Variants in YEATS2 observed in about 807,000 individuals in gnomAD.
YEATS2 encodes the protein YEATS domain containing 2, also known as YEATS domain-containing protein 2.
YEATS2 carries 77 observed loss-of-function variants against 163.2 expected under a neutral mutation model. The ratio of observed to expected loss-of-function variants is 0.47; its 90% CI spans 0.39 to 0.57. The LOEUF is 0.57. Ranked by LOEUF, YEATS2 falls within the 20% of genes least tolerant of loss-of-function variation. The pLI is 0.00. For missense variants in YEATS2, 1,549 were observed against 1,729.8 expected (o/e 0.90, Z 1.85); for synonymous variants, 631 against 645.1 (o/e 0.98, Z 0.33).
In YEATS2 at chr3:183,797,986, A is replaced by G; in HGVS notation, c.3161A>G (p.Gln1054Arg). 1 of 1,614,194 alleles carries G rather than the reference A, an allele frequency of 6.2e-7. No individual in the cohort carries two copies. Among genetic ancestry groups the G allele is most frequent in the Non-Finnish European group, 8.5e-7 (1 of 1,180,016 alleles). The part of the protein sequence containing the change: ...PQQAVLTIPS[Q>R]LKPLSVNTSG... ...CAGGCCGTCCTGACGATTCCCAGCC[A>G]GCTCAAACCACTCAGCGTAAACACA... Residue 1054 changes from glutamine to arginine, a missense_variant, in exon 22 of 31, where the codon CAG becomes CGG. Gln to Arg is a conservative substitution (Grantham distance 43). Coordinates refer to ENST00000305135, the MANE Select transcript of YEATS2 (RefSeq NM_018023.5).
chr3:183,767,455 A>T (rs534584205), intron 15 of YEATS2, among the ~76,000 whole-genome samples: 1 of 151,336 alleles, frequency 6.6e-6, no homozygotes, highest in South Asian at 2.1e-4. Flanking sequence ...ATCTCGGCTC[A>T]CTACAACCTC....
In YEATS2 at chr3:183,717,759, GA is replaced by G; in HGVS notation, c.198+12del. The G allele has an allele frequency of 6.8e-7, 1 of 1,461,894 alleles. No individual in the cohort carries two copies. The highest frequency in any genetic ancestry group is 9.1e-7 in the Non-Finnish European group (1 of 1,099,686). 90.6% of individuals were successfully genotyped at this position (1,461,894 alleles called of 1,614,324 possible). A position where few individuals can be genotyped will look rare whatever the true frequency, so the allele number is the denominator to read the frequency against. ...GAAGTCATTGACCAGGTATAATGAT[GA>G]TAAATTGAAATAAACACCAAAGCTA... On this transcript the variant is annotated intron_variant, in intron 3 of 30. Coordinates refer to ENST00000305135, the MANE Select transcript of YEATS2 (RefSeq NM_018023.5).
At chr3:183,705,599 A>G (rs1714538708) in intron 1 of YEATS2, among the ~76,000 whole-genome samples, 1 of 151,874 alleles carries the variant, frequency 6.6e-6, no homozygotes, top group South Asian at 2.1e-4. Context: ...GTCTGTGTAT[A>G]ATAACTTTGT....
chr3:183,790,757 C>T, intron 20 of YEATS2, 40 bp from the exon 21 acceptor site: 1 of 1,598,044 alleles, frequency 6.3e-7, no homozygotes, highest in Non-Finnish European at 8.6e-7. Flanking sequence ...ACTCTGCTTT[C>T]TTCCTGAACT....
At chr3:183,743,466 A>G (rs995705177) in intron 8 of YEATS2, among the ~76,000 whole-genome samples, 2 of 152,110 alleles carry the variant, frequency 1.3e-5, no homozygotes, top group Non-Finnish European at 2.9e-5. Context: ...TCAGCGTCCC[A>G]GGTAGCTGGA....
chr3:183,759,393 T>A (rs964699097), intron 13 of YEATS2, among the ~76,000 whole-genome samples: 2 of 152,132 alleles, frequency 1.3e-5, no homozygotes, highest in Non-Finnish European at 2.9e-5. Context: ...AAAAACTTAC[T>A]GTGATAAGAT....
In YEATS2 at chr3:183,780,511, A is replaced by C. The variant is rs747009683; in HGVS notation, c.2736+2811A>C. On this transcript the variant is annotated intron_variant, in intron 19 of 30. Transcript: ENST00000305135. ...TTGTCCACTATTGGGCTCCTCAACTAGTTTTTGAACACAACCAGTAGAATG... is the reference window on the plus strand; with the variant it reads ...TTGTCCACTATTGGGCTCCTCAACTCGTTTTTGAACACAACCAGTAGAATG... Among the ~76,000 whole-genome samples the C allele has an allele frequency of 2.2e-3, 341 of 152,218 alleles. 2 individuals carry two copies. The highest frequency in any genetic ancestry group is 4.1e-3 in the Non-Finnish European group (280 of 68,042).
chr3:183,777,405 T>G (rs1289662492), intron 18 of YEATS2, 137 bp from the exon 19 acceptor site: 1 of 855,998 alleles, frequency 1.2e-6, no homozygotes. Context: ...TTGAATTATT[T>G]TGCCTACATT....
chr3:183,700,790 AAAG>A (rs1290688120), intron 1 of YEATS2, among the ~76,000 whole-genome samples: 4 of 150,106 alleles, frequency 2.7e-5, no homozygotes, highest in African/African-American at 9.7e-5. Flanking sequence ...AAAAAAAAAA[AAAG>A]GCAGATACAA....
At chr3:183,766,435 C>G (rs1294721796) in intron 15 of YEATS2, among the ~76,000 whole-genome samples, 1 of 152,226 alleles carries the variant, frequency 6.6e-6, no homozygotes, top group Admixed American at 6.5e-5. Context: ...GATACAGACT[C>G]TTCCCCTTCA....
chr3:183,794,099 TTGACTC>T (rs1271949696), intron 21 of YEATS2, among the ~76,000 whole-genome samples: 9 of 152,158 alleles, frequency 5.9e-5, no homozygotes, highest in Non-Finnish European at 1.2e-4. Flanking sequence ...TGTTGGAACT[TTGACTC>T]TGGGGGAAGC....
intron 7 of YEATS2, among the ~76,000 whole-genome samples, chr3:183,732,021 C>G (rs1221561100): frequency 1.3e-5 from 2 of 151,936 alleles, no homozygotes; most frequent in Non-Finnish European, 2.9e-5. Flanking sequence ...AAATCATATG[C>G]TGTGATCAAC....
At chr3:183,763,152 A>G (rs979018681) in intron 15 of YEATS2, among the ~76,000 whole-genome samples, 8 of 152,116 alleles carry the variant, frequency 5.3e-5, no homozygotes, top group African/African-American at 1.9e-4. Context: ...ATGATGGTAC[A>G]TTCTGAGACG....
At chr3:183,770,216 G>A (rs1009049598) in intron 15 of YEATS2, among the ~76,000 whole-genome samples, 2 of 151,372 alleles carry the variant, frequency 1.3e-5, no homozygotes, top group Non-Finnish European at 2.9e-5. Flanking sequence ...GTGAAACCCC[G>A]TTTCTACTAA....
At chr3:183,709,676 T>A (rs1163355238) in intron 1 of YEATS2, among the ~76,000 whole-genome samples, 4 of 109,200 alleles carry the variant, frequency 3.7e-5, no homozygotes, top group African/African-American at 9.2e-5. Context: ...ATGAGATAAA[T>A]TTTTTTTTTT....
chr3:183,773,111 G>C (rs77326527), intron 16 of YEATS2, among the ~76,000 whole-genome samples: 4,302 of 152,252 alleles, frequency 0.028, 207 homozygotes, highest in African/African-American at 0.097. Flanking sequence ...CCTTTTGTCT[G>C]CCAAATATAT....
intron 26 of YEATS2, 24 bp from the exon 27 acceptor site, chr3:183,803,963 C>G: frequency 1.2e-6 from 2 of 1,611,724 alleles, no homozygotes; most frequent in Non-Finnish European, 1.7e-6. Flanking sequence ...GATTATGGTT[C>G]CAAAAGAAAA....
rs773859191 is a variant in YEATS2 at position 183,715,275 on chromosome 3, CCTTAGGAAATTATTT to C, written c.100+17_100+31del. 2.2e-5 allele frequency: 35 copies of C among 1,582,966 alleles called. No homozygotes were observed. Among genetic ancestry groups the C allele is most frequent in the Non-Finnish European group, 3.0e-5 (35 of 1,160,386 alleles). On this transcript the variant is annotated intron_variant, in intron 2 of 30. Coordinates refer to ENST00000305135, the MANE Select transcript of YEATS2 (RefSeq NM_018023.5). ...ATTGAGAATTCAGGTAGAAATCCTG[CCTTAGGAAATTATTT>C]CTTTATTGACATATGCCTCCGCTAG... is the stretch of plus-strand genomic sequence containing the variant.
intron 20 of YEATS2, 23 bp downstream of exon 20, chr3:183,786,324 A>G: frequency 6.3e-7 from 1 of 1,590,122 alleles, no homozygotes; most frequent in Non-Finnish European, 8.6e-7. Context: ...ATGTCAGTAG[A>G]GAATCCTAAT....
Sources: allele counts gnomAD v4.1 joint callset (sites outside exome capture counted in the v4.1 genomes callset), GRCh38; gene constraint gnomAD v4.1.1; transcripts MANE v1.5; gene names NCBI Gene and HGNC (gene_info 2026-07-23, HGNC 2026-07-21).